The following NUDT3 variants were observed in gnomAD, a reference collection of about 807,000 sequenced individuals.
NUDT3 encodes nudix hydrolase 3, also known as diphosphoinositol polyphosphate phosphohydrolase 1.
A neutral mutation model predicts 23.6 loss-of-function variants in NUDT3; 9 were observed. That is an observed-to-expected ratio of 0.38 (90% confidence interval 0.23 to 0.66). The LOEUF (loss-of-function observed/expected upper bound fraction) is 0.66, where lower values mean the gene tolerates loss of function less well. NUDT3 is among the 30% of genes least tolerant of loss of function. NUDT3 has a pLI of 0.52. For missense variants in NUDT3, 172 were observed against 218.5 expected (o/e 0.79, Z 1.34); for synonymous variants, 86 against 82.6 (o/e 1.04, Z -0.22).
intron 1 of NUDT3, among the ~76,000 whole-genome samples, chr6:34,349,484 A>G (rs1764433849): frequency 6.6e-6 from 1 of 150,562 alleles, no homozygotes. Context: ...TATGAATTTG[A>G]GGGTTCAGTG....
chr6:34,299,907 A>AT (rs199545048), intron 2 of NUDT3, among the ~76,000 whole-genome samples: 7 of 150,762 alleles, frequency 4.6e-5, no homozygotes, highest in Admixed American at 1.3e-4. Flanking sequence ...TCTCAAAAAA[A>AT]AAAAAAATAT....
chr6:34,335,645 G>A (rs962149355), intron 2 of NUDT3, among the ~76,000 whole-genome samples: 4 of 150,936 alleles, frequency 2.7e-5, no homozygotes, highest in Non-Finnish European at 5.9e-5. Context: ...CTTATATATA[G>A]CATGGGAATA....
chr6:34,285,891 T>C lies in NUDT3; in HGVS notation c.*2862A>G, dbSNP rs187047841. ...AGCGTAAGCACAATCTCTCAGTCAA[T>C]TGCATTAACAGGAATCCATTCATGT... On this transcript the variant is annotated 3_prime_UTR_variant, in exon 5 of 5. Transcript: ENST00000607016. 17 of 152,294 alleles carry C rather than the reference T, an allele frequency of 1.1e-4. No homozygotes were observed. The highest frequency in any genetic ancestry group is 1.9e-4 in the East Asian group (1 of 5,190). The allele number at this position is 152,294 out of a possible 1,614,324, so 9.4% of individuals were successfully genotyped here. A position where few individuals can be genotyped will look rare whatever the true frequency, so the allele number is the denominator to read the frequency against.
chr6:34,371,871 A>G (rs1013542062), intron 1 of NUDT3, among the ~76,000 whole-genome samples: 2 of 152,122 alleles, frequency 1.3e-5, no homozygotes, highest in Non-Finnish European at 2.9e-5. Context: ...CATTAGGTAT[A>G]TCTCCTAATG....
chr6:34,368,310 C>T (rs761830879), intron 1 of NUDT3, among the ~76,000 whole-genome samples: 2 of 152,204 alleles, frequency 1.3e-5, no homozygotes, highest in African/African-American at 2.4e-5. Flanking sequence ...TCTCCTTCTT[C>T]CCTACCAAGT....
chr6:34,316,098 A>G lies in NUDT3; in HGVS notation c.211-20413T>C, dbSNP rs546713902. Among the ~76,000 whole-genome samples the G allele has an allele frequency of 3.2e-3, 492 of 152,238 alleles. 4 individuals carry two copies. Among genetic ancestry groups the G allele is most frequent in the Middle Eastern group, 0.027 (8 of 294 alleles). On this transcript the variant is annotated intron_variant, in intron 2 of 4. Coordinates refer to ENST00000607016, the MANE Select transcript of NUDT3 (RefSeq NM_006703.4). ...TGGCTGGTCTTGAACTCCTGATCTC[A>G]AGCAATCCTCCCACCTCAGTCTCCC... is the stretch of plus-strand genomic sequence containing the variant.
intron 1 of NUDT3, among the ~76,000 whole-genome samples, chr6:34,351,741 C>CAAAAAAAAAAAAAAAAAAAAAAAAATAA (rs1017090378): frequency 1.8e-5 from 1 of 54,340 alleles, no homozygotes; most frequent in Non-Finnish European, 3.7e-5. Flanking sequence ...AACTCTGTCT[C>CAAAAAAAAAAAAAAAAAAAAAAAAATAA]AAAAAAAAAA....
intron 2 of NUDT3, among the ~76,000 whole-genome samples, chr6:34,310,790 A>C (rs1763758841): frequency 6.6e-6 from 1 of 152,224 alleles, no homozygotes; most frequent in Non-Finnish European, 1.5e-5. Context: ...ACAATGTGTA[A>C]AAATAATTAC....
At chr6:34,376,368 T>A (rs1764923159) in intron 1 of NUDT3, among the ~76,000 whole-genome samples, 1 of 152,130 alleles carries the variant, frequency 6.6e-6, no homozygotes, top group Admixed American at 6.6e-5. Flanking sequence ...AGCCTCGATC[T>A]CCCAGGCTCA....
chr6:34,380,868 ATTC>A (rs920442518), intron 1 of NUDT3, among the ~76,000 whole-genome samples: 1 of 152,158 alleles, frequency 6.6e-6, no homozygotes. Context: ...CACCTAGGAT[ATTC>A]TTCAACTACC....
At chr6:34,325,319 CCTCCTCAGCCTCCT>C (rs1764009087) in intron 2 of NUDT3, among the ~76,000 whole-genome samples, 1 of 152,138 alleles carries the variant, frequency 6.6e-6, no homozygotes. Flanking sequence ...AGCGATCCTC[CCTCCTCAGCCTCCT>C]GAGTAGATGG....
At chr6:34,321,309 G>A (rs1485891363) in intron 2 of NUDT3, among the ~76,000 whole-genome samples, 2 of 151,928 alleles carry the variant, frequency 1.3e-5, no homozygotes, top group South Asian at 2.1e-4. Context: ...GTGGTGGTGC[G>A]CACCTGTAAT....
chr6:34,341,718 A>G (rs559974777), intron 2 of NUDT3, 144 bp downstream of exon 2: 18 of 607,256 alleles, frequency 3.0e-5, no homozygotes, highest in Non-Finnish European at 4.5e-5. Flanking sequence ...ACCCGGTAAT[A>G]AAGGAGGGAC....
rs1204066538 is a variant in NUDT3 at position 34,280,016 on chromosome 6, G to A, written c.*8737C>T. 6.6e-6 allele frequency: 1 copy of A among 152,390 alleles called. No homozygotes were observed. Among genetic ancestry groups the A allele is most frequent in the Admixed American group, 6.5e-5 (1 of 15,272 alleles). 9.4% of individuals were successfully genotyped at this position (152,390 alleles called of 1,614,324 possible). A position where few individuals can be genotyped will look rare whatever the true frequency, so the allele number is the denominator to read the frequency against. ...AGAGGAAGGTGGGATGGTATCTGCTGTGTACCTGTCTCAGACCAAACCTGG... is the reference window on the plus strand; with the variant it reads ...AGAGGAAGGTGGGATGGTATCTGCTATGTACCTGTCTCAGACCAAACCTGG... On this transcript the variant is annotated 3_prime_UTR_variant, in exon 5 of 5. Transcript: ENST00000607016.
At chr6:34,319,192 G>A (rs556224183) in intron 2 of NUDT3, among the ~76,000 whole-genome samples, 27 of 152,164 alleles carry the variant, frequency 1.8e-4, no homozygotes, top group African/African-American at 6.3e-4. Context: ...CACCAAGCAG[G>A]GATCAGTTCT....
At chr6:34,290,898 A>T (rs1188070929) in intron 4 of NUDT3, among the ~76,000 whole-genome samples, 2 of 151,076 alleles carry the variant, frequency 1.3e-5, no homozygotes, top group East Asian at 3.9e-4. Flanking sequence ...AGGCTCAAGC[A>T]ATTCTCATGG....
intron 1 of NUDT3, among the ~76,000 whole-genome samples, chr6:34,354,198 G>GT (rs1486026511): frequency 2.0e-5 from 3 of 151,570 alleles, no homozygotes; most frequent in Non-Finnish European, 4.4e-5. Flanking sequence ...GATTACAGGC[G>GT]TGAGCCACTG....
At chr6:34,370,570 T>C (rs1012118765) in intron 1 of NUDT3, among the ~76,000 whole-genome samples, 14 of 152,188 alleles carry the variant, frequency 9.2e-5, no homozygotes, top group African/African-American at 3.4e-4. Context: ...AACAACAGTG[T>C]CTGTCACACA....
intron 1 of NUDT3, among the ~76,000 whole-genome samples, chr6:34,352,012 T>C (rs1270076936): frequency 6.6e-6 from 1 of 151,830 alleles, no homozygotes; most frequent in Non-Finnish European, 1.5e-5. Context: ...ATGGGCAACA[T>C]GGCGAGGTCC....
Sources: allele counts gnomAD v4.1 joint callset (sites outside exome capture counted in the v4.1 genomes callset), GRCh38; gene constraint gnomAD v4.1.1; transcripts MANE v1.5; gene names NCBI Gene and HGNC (gene_info 2026-07-23, HGNC 2026-07-21).